CDK8: variants seen among roughly 807,000 people sequenced by gnomAD.
CDK8 encodes the protein cyclin-dependent kinase 8.
A neutral mutation model predicts 71.5 loss-of-function variants in CDK8; 29 were observed. The ratio of observed to expected loss-of-function variants is 0.41; its 90% CI spans 0.30 to 0.55. The LOEUF (loss-of-function observed/expected upper bound fraction) is 0.55, where lower values mean the gene tolerates loss of function less well. Ranked by LOEUF, CDK8 falls within the 20% of genes least tolerant of loss-of-function variation. The pLI, the probability that CDK8 is intolerant of heterozygous loss-of-function variation, is 0.37. For missense variants in CDK8, 288 were observed against 572.6 expected, an observed-to-expected ratio of 0.50 and a Z score of 5.07; for synonymous variants, 161 against 192.1, an observed-to-expected ratio of 0.84 and a Z score of 1.34.
rs538587465 is a variant in CDK8, at chr13:26,382,173, T to C, written c.457-641T>C. Among the ~76,000 whole-genome samples the C allele has an allele frequency of 1.2e-4, 19 of 152,302 alleles. No individual in the cohort carries two copies. In the South Asian group the frequency reaches 3.9e-3, roughly 32 times the overall value. On this transcript the variant is annotated intron_variant, in intron 4 of 12. Transcript: ENST00000381527. ...TAGTAGATACCACCATAAAAGACTA[T>C]AGGTGACAATCAGTATATATTTTAA...
intron 1 of CDK8, among the ~76,000 whole-genome samples, chr13:26,323,587 C>T (rs1203200303): frequency 7.2e-5 from 11 of 152,096 alleles, no homozygotes; most frequent in Admixed American, 6.6e-4. Context: ...ATTAGGCCCT[C>T]GTTCTCATTT....
At chr13:26,285,888 A>G (rs1872992626) in intron 1 of CDK8, among the ~76,000 whole-genome samples, 4 of 150,806 alleles carry the variant, frequency 2.7e-5, no homozygotes, top group South Asian at 4.1e-4. Flanking sequence ...CCCCTTTACA[A>G]CAGCTGCAAT....
intron 1 of CDK8, among the ~76,000 whole-genome samples, chr13:26,295,840 A>G (rs1011823418): frequency 2.6e-5 from 4 of 152,172 alleles, no homozygotes; most frequent in African/African-American, 7.2e-5. Flanking sequence ...TGAGGTCTCA[A>G]TGGTCAGGTA....
At chr13:26,393,147 G>A (rs546783495) in intron 6 of CDK8, among the ~76,000 whole-genome samples, 56 of 152,168 alleles carry the variant, frequency 3.7e-4, no homozygotes, top group African/African-American at 1.3e-3. Flanking sequence ...AATCGGGGTG[G>A]AGGGCATGGG....
At chr13:26,329,734 C>A (rs1318913305) in intron 1 of CDK8, among the ~76,000 whole-genome samples, 1 of 152,034 alleles carries the variant, frequency 6.6e-6, no homozygotes, top group Non-Finnish European at 1.5e-5. Context: ...AAACTCCTGA[C>A]CTCAGGTGAT....
chr13:26,254,651 G>T lies in CDK8; in HGVS notation c.10G>T (p.Asp4Tyr), dbSNP rs2137842514. The T allele has an allele frequency of 6.2e-7, 1 of 1,607,830 alleles. No individual in the cohort carries two copies. Among genetic ancestry groups the T allele is most frequent in the South Asian group, 1.1e-5 (1 of 90,132 alleles). The change falls in exon 1 of 13, where the codon GAC becomes TAC. Residue 4 changes from aspartate (D) to tyrosine (Y), a missense_variant. This residue lies in a region of CDK8 where 19 missense variants were observed against 24.4 expected (regional missense o/e 0.78). Coordinates refer to ENST00000381527, the MANE Select transcript of CDK8 (RefSeq NM_001260.3). This position sits in a 1 kb window ranked among gnomAD's most constrained non-coding sequence, Gnocchi z 6.7. Reference protein sequence around the residue: MDYDFKVKLSSERE... With the variant: MDYYFKVKLSSERE... ...CTCAGAGGCTGTGACAATGGACTAT[G>T]ACTTTAAAGTGAAGCTGAGCAGCGA... is the stretch of plus-strand genomic sequence containing the variant.
chr13:26,365,098 A>T (rs1565987227), intron 4 of CDK8, among the ~76,000 whole-genome samples: 1 of 152,148 alleles, frequency 6.6e-6, no homozygotes, highest in Admixed American at 6.6e-5. Flanking sequence ...AACTCCAAGG[A>T]TTTACTCTAA....
At chr13:26,258,565 GA>G (rs1469494535) in intron 1 of CDK8, among the ~76,000 whole-genome samples, 4 of 151,924 alleles carry the variant, frequency 2.6e-5, no homozygotes, top group Non-Finnish European at 5.9e-5. Flanking sequence ...CTAGTGGAAA[GA>G]ACTCTAGATG....
chr13:26,404,211 A>G lies in CDK8; in HGVS notation c.*130A>G. The G allele has an allele frequency of 3.7e-6, 4 of 1,080,986 alleles. 1 individual carries two copies. In the South Asian group the frequency reaches 4.9e-5, roughly 13 times the overall value. 67.0% of individuals were successfully genotyped at this position (1,080,986 alleles called of 1,614,324 possible). A position where few individuals can be genotyped will look rare whatever the true frequency, so the allele number is the denominator to read the frequency against. ...ACATCTTCAAAATGTCCAGTAGCCAAGTTCCACCACTTTTCACAGATTGGG... is the reference window on the plus strand; with the variant it reads ...ACATCTTCAAAATGTCCAGTAGCCAGGTTCCACCACTTTTCACAGATTGGG... On this transcript the variant is annotated 3_prime_UTR_variant, in exon 13 of 13. Coordinates refer to ENST00000381527, the MANE Select transcript of CDK8 (RefSeq NM_001260.3).
At chr13:26,268,720 A>G (rs945726073) in intron 1 of CDK8, among the ~76,000 whole-genome samples, 9 of 152,098 alleles carry the variant, frequency 5.9e-5, no homozygotes, top group African/African-American at 1.9e-4. Flanking sequence ...TTATTTTTAC[A>G]TCTTATTTTA....
At chr13:26,304,214 A>C (rs1303562251) in intron 1 of CDK8, among the ~76,000 whole-genome samples, 1 of 151,792 alleles carries the variant, frequency 6.6e-6, no homozygotes, top group African/African-American at 2.4e-5. Flanking sequence ...CAGTGAGCCG[A>C]GATTGCGCCG....
intron 10 of CDK8, 40 bp downstream of exon 10, chr13:26,400,590 GT>G (rs1325204365): frequency 8.4e-7 from 1 of 1,193,422 alleles, no homozygotes; most frequent in Non-Finnish European, 1.3e-6. Context: ...CATGATGGAA[GT>G]TTTGGAGTAT....
intron 4 of CDK8, among the ~76,000 whole-genome samples, chr13:26,363,807 A>T (rs1874259101): frequency 6.6e-6 from 1 of 152,174 alleles, no homozygotes; most frequent in Non-Finnish European, 1.5e-5. Flanking sequence ...GCAACTGTTA[A>T]ATAAGATTAA....
At chr13:26,325,277 A>G (rs1874967730) in intron 1 of CDK8, among the ~76,000 whole-genome samples, 1 of 152,222 alleles carries the variant, frequency 6.6e-6, no homozygotes, top group Non-Finnish European at 1.5e-5. Context: ...AGTATATTTC[A>G]TTTGTCAGAA....
At chr13:26,330,394 A>G (rs1875257076) in intron 1 of CDK8, among the ~76,000 whole-genome samples, 1 of 152,054 alleles carries the variant, frequency 6.6e-6, no homozygotes, top group African/African-American at 2.4e-5. Context: ...TAGTGGAGGC[A>G]GGGTTTCACC....
At chr13:26,266,554 A>G (rs1872027903) in intron 1 of CDK8, among the ~76,000 whole-genome samples, 1 of 152,216 alleles carries the variant, frequency 6.6e-6, no homozygotes, top group African/African-American at 2.4e-5. Flanking sequence ...TCCAGGAGTC[A>G]GAGATAGGAA....
intron 1 of CDK8, among the ~76,000 whole-genome samples, chr13:26,284,621 T>A (rs1299757717): frequency 6.6e-6 from 1 of 151,944 alleles, no homozygotes; most frequent in African/African-American, 2.4e-5. Flanking sequence ...ATTGAAACAG[T>A]AATGAAAAAA....
At chr13:26,264,987 A>G (rs992767690) in intron 1 of CDK8, among the ~76,000 whole-genome samples, 2 of 152,178 alleles carry the variant, frequency 1.3e-5, no homozygotes, top group Non-Finnish European at 1.5e-5. Flanking sequence ...GCTGATGGAC[A>G]CTTAGATTGA....
At chr13:26,352,271 G>A (rs1258352817) in intron 3 of CDK8, among the ~76,000 whole-genome samples, 1 of 151,718 alleles carries the variant, frequency 6.6e-6, no homozygotes, top group Non-Finnish European at 1.5e-5. Flanking sequence ...GCTGGAGAGC[G>A]GTGGCAGGAT....
Sources: gnomAD v4.1 joint callset for allele counts (sites outside exome capture counted in the v4.1 genomes callset) on GRCh38, gnomAD v4.1.1 for gene constraint, gnomAD v4.1.1 regional missense constraint, Gnocchi (gnomAD v3.1) non-coding constraint, MANE v1.5 for transcripts, NCBI Gene and HGNC (gene_info 2026-07-23, HGNC 2026-07-21) for gene names.